The following COL10A1 variants were observed in gnomAD, a reference collection of about 807,000 sequenced individuals.
COL10A1 encodes the protein collagen type X alpha 1 chain.
Under a neutral mutation model 18.2 loss-of-function variants are expected in COL10A1, and 10 were observed. The ratio of observed to expected loss-of-function variants is 0.55; its 90% CI spans 0.34 to 0.93. The LOEUF (loss-of-function observed/expected upper bound fraction) is 0.93. COL10A1 is among the 40% of genes least tolerant of loss of function. The pLI is 0.02. For synonymous variants in COL10A1, 330 were observed against 316.6 expected, an observed-to-expected ratio of 1.04 and a Z score of -0.45; for missense variants, 897 against 853.5, an observed-to-expected ratio of 1.05 and a Z score of -0.64.
At chr6:116,177,231 T>G in the COL10A1 span, among the ~76,000 whole-genome samples, 6 of 152,224 alleles carry the variant, frequency 3.9e-5, no homozygotes, top group Non-Finnish European at 7.3e-5. Context: ...TCATAGATTA[T>G]GTTTCTTTGC....
At chr6:116,178,551 A>G in the COL10A1 span, among the ~76,000 whole-genome samples, 1 of 152,196 alleles carries the variant, frequency 6.6e-6, no homozygotes, top group African/African-American at 2.4e-5. Flanking sequence ...AGAAGTCATA[A>G]CTAGTGTCAG....
At chr6:116,206,622 A>G in the COL10A1 span, among the ~76,000 whole-genome samples, 2 of 151,974 alleles carry the variant, frequency 1.3e-5, no homozygotes, top group Non-Finnish European at 2.9e-5. Context: ...CTGTTTCTTA[A>G]TGAAGTCACC....
the COL10A1 span, among the ~76,000 whole-genome samples, chr6:116,183,442 A>G: frequency 5.3e-5 from 8 of 152,008 alleles, no homozygotes; most frequent in Non-Finnish European, 1.2e-4. Context: ...AATGGCATTG[A>G]ATCTGTATAT....
chr6:116,142,020 A>G (rs1292401324), intron 1 of COL10A1, among the ~76,000 whole-genome samples: 1 of 152,060 alleles, frequency 6.6e-6, no homozygotes, highest in African/African-American at 2.4e-5. Context: ...AACTCAAAAA[A>G]AAGATTTGTT....
the COL10A1 span, among the ~76,000 whole-genome samples, chr6:116,193,441 T>G: frequency 6.6e-6 from 1 of 152,108 alleles, no homozygotes; most frequent in African/African-American, 2.4e-5. Flanking sequence ...AATCTGGAAC[T>G]TGCAACTTGC....
chr6:116,188,015 C>T, the COL10A1 span, among the ~76,000 whole-genome samples: 4 of 151,912 alleles, frequency 2.6e-5, no homozygotes, highest in Non-Finnish European at 5.9e-5. Context: ...AAGACAGCAA[C>T]CCAGTAGAAA....
At chr6:116,160,579 T>C (rs1361537142), upstream of COL10A1, among the ~76,000 whole-genome samples, 3 of 152,214 alleles carry the variant, frequency 2.0e-5, no homozygotes, top group Non-Finnish European at 4.4e-5. Flanking sequence ...ATTGTCTATT[T>C]GCTGTGTTAT....
chr6:116,157,065 T>TG (rs1237398881), intron 1 of COL10A1, among the ~76,000 whole-genome samples: 14 of 152,248 alleles, frequency 9.2e-5, no homozygotes, highest in African/African-American at 3.4e-4. Context: ...CAAATAGACA[T>TG]GGAGGGGAGG....
upstream of COL10A1, among the ~76,000 whole-genome samples, chr6:116,163,306 T>G (rs1396723757): frequency 6.6e-6 from 1 of 151,354 alleles, no homozygotes. Context: ...TAATTTGTTG[T>G]TATTGGTCTG....
At chr6:116,159,521 G>C (rs577416385), upstream of COL10A1, among the ~76,000 whole-genome samples, 1 of 152,260 alleles carries the variant, frequency 6.6e-6, no homozygotes, top group Admixed American at 6.5e-5. Flanking sequence ...CGGGTATTCT[G>C]GATGTCATGT....
At chr6:116,129,593 A>G (rs1371230142), upstream of COL10A1, among the ~76,000 whole-genome samples, 1 of 152,166 alleles carries the variant, frequency 6.6e-6, no homozygotes, top group African/African-American at 2.4e-5. Context: ...GCCATGCGAT[A>G]CTACAGCATG....
the COL10A1 span, among the ~76,000 whole-genome samples, chr6:116,193,868 C>T: frequency 6.6e-6 from 1 of 151,934 alleles, no homozygotes. Flanking sequence ...CCCAGTTGTT[C>T]GAAACCAGCC....
At chr6:116,174,978 A>C in the COL10A1 span, among the ~76,000 whole-genome samples, 1 of 152,192 alleles carries the variant, frequency 6.6e-6, no homozygotes, top group Admixed American at 6.5e-5. Context: ...AGGTTATTGA[A>C]TGACCATAAT....
At chr6:116,187,410 C>T in the COL10A1 span, among the ~76,000 whole-genome samples, 1 of 152,202 alleles carries the variant, frequency 6.6e-6, no homozygotes, top group Admixed American at 6.6e-5. Context: ...AGCCAAGACA[C>T]TCATGAAGAA....
At chr6:116,197,740 T>G in the COL10A1 span, among the ~76,000 whole-genome samples, 25 of 152,108 alleles carry the variant, frequency 1.6e-4, no homozygotes, top group African/African-American at 5.8e-4. Flanking sequence ...TAGGATGTTA[T>G]GCAGATTCAG....
At chr6:116,202,229 G>A in the COL10A1 span, among the ~76,000 whole-genome samples, 4 of 151,936 alleles carry the variant, frequency 2.6e-5, no homozygotes, top group African/African-American at 9.7e-5. Context: ...GGCCTTCCTT[G>A]CACACACTTG....
the COL10A1 span, among the ~76,000 whole-genome samples, chr6:116,200,568 C>G: frequency 6.6e-6 from 1 of 151,858 alleles, no homozygotes. Context: ...TTTTAAAAAG[C>G]ATAGCTAAAT....
chr6:116,120,268 C>T lies in COL10A1; in HGVS notation c.1848G>A (p.Lys616=). 1 of 1,614,188 alleles carries T rather than the reference C, an allele frequency of 6.2e-7. No individual in the cohort carries two copies. The highest frequency in any genetic ancestry group is 8.5e-7 in the Non-Finnish European group (1 of 1,180,026). Residue 616 remains lysine (K), a synonymous_variant, in exon 3 of 3, where the codon AAG becomes AAA. Transcript: ENST00000651968. ...KGTHVWVGLY[K]NGTPVMYTYD... ...AGGTGTACATTACAGGGGTGCCATT[C>T]TTATACAGGCCTACCCAAACATGAG...
chr6:116,156,999 A>G (rs1170648961), intron 1 of COL10A1, among the ~76,000 whole-genome samples: 1 of 151,994 alleles, frequency 6.6e-6, no homozygotes, highest in African/African-American at 2.4e-5. Flanking sequence ...GTTTATTTGG[A>G]TATTTTTTTC....
Sources: allele counts gnomAD v4.1 joint callset (sites outside exome capture counted in the v4.1 genomes callset), GRCh38; gene constraint gnomAD v4.1.1; transcripts MANE v1.5; gene names NCBI Gene and HGNC (gene_info 2026-07-23, HGNC 2026-07-21).